The following RFX3 variants were observed in gnomAD, a reference collection of about 807,000 sequenced individuals.
RFX3 encodes transcription factor RFX3.
A neutral mutation model predicts 98.6 loss-of-function variants in RFX3; 14 were observed. That is an observed-to-expected ratio of 0.14 (90% CI 0.09 to 0.22). The LOEUF (loss-of-function observed/expected upper bound fraction) is 0.22. RFX3 is among the 10% of genes least tolerant of loss of function. The pLI is 1.00. For missense variants in RFX3, 639 were observed against 926.9 expected (o/e 0.69, Z 4.03); for synonymous variants, 383 against 328.4 (o/e 1.17, Z -1.80).
intron 1 of RFX3, among the ~76,000 whole-genome samples, chr9:3,500,924 C>T (rs1202511596): frequency 6.6e-6 from 1 of 152,116 alleles, no homozygotes; most frequent in Non-Finnish European, 1.5e-5. Context: ...TACATGAATA[C>T]TTAGGACCCT....
rs2131161331 is a variant in RFX3 at position 3,346,708 on chromosome 9, C to T, written c.174G>A (p.Gln58=). 5 of 1,613,814 alleles carry T rather than the reference C, an allele frequency of 3.1e-6. No homozygotes were observed. Among genetic ancestry groups the T allele is most frequent in the Non-Finnish European group, 4.2e-6 (5 of 1,179,728 alleles). Residue 58 remains glutamine, a synonymous_variant, in exon 3 of 17, where the codon CAG becomes CAA. Transcript: ENST00000617270. Reference sequence around the variant, plus strand: ...AGACAGTATCGCTTCCTTCCACATACTGCACCTGAGCGGGATAGACATGTT... The same window carrying T: ...AGACAGTATCGCTTCCTTCCACATATTGCACCTGAGCGGGATAGACATGTT... The part of the protein sequence containing the change: ...QVQHVYPAQV[Q]YVEGSDTVYT...
At chr9:3,255,660 T>C (rs1181778157) in intron 14 of RFX3, among the ~76,000 whole-genome samples, 1 of 152,200 alleles carries the variant, frequency 6.6e-6, no homozygotes, top group Non-Finnish European at 1.5e-5. Context: ...GCCAATTCCA[T>C]CCTACATATA....
chr9:3,223,346 T>G lies in RFX3; in HGVS notation c.*1696A>C, dbSNP rs1817455799. 6.6e-6 allele frequency: 1 copy of G among 152,222 alleles called. No individual in the cohort carries two copies. 9.4% of individuals were successfully genotyped at this position (152,222 alleles called of 1,614,324 possible). ...TCTAGGATCTCACCTTCTGACTTTA[T>G]AGCAGACTCCTGCCCCATGGGCACT... On this transcript the variant is annotated 3_prime_UTR_variant, in exon 17 of 17. Transcript: ENST00000617270.
At chr9:3,464,728 T>G (rs1003695687) in intron 1 of RFX3, among the ~76,000 whole-genome samples, 1 of 152,158 alleles carries the variant, frequency 6.6e-6, no homozygotes, top group African/African-American at 2.4e-5. Context: ...ACTCATCAAA[T>G]TGTACACTTA....
chr9:3,469,986 T>A (rs1018853527), intron 1 of RFX3, among the ~76,000 whole-genome samples: 3 of 152,094 alleles, frequency 2.0e-5, no homozygotes, highest in African/African-American at 7.2e-5. Flanking sequence ...AGGATCACTA[T>A]TGTAATCCCA....
chr9:3,493,682 C>CAAAA (rs71324250), intron 1 of RFX3, among the ~76,000 whole-genome samples: 2 of 79,582 alleles, frequency 2.5e-5, no homozygotes, highest in African/African-American at 4.7e-5. Context: ...AGACTCATCT[C>CAAAA]AAAAAAAAAA....
intron 1 of RFX3, among the ~76,000 whole-genome samples, chr9:3,466,728 T>C (rs149217753): frequency 6.6e-6 from 1 of 152,148 alleles, no homozygotes; most frequent in African/African-American, 2.4e-5. Flanking sequence ...AATGTAAATG[T>C]CAAGAAATGA....
chr9:3,389,594 A>G (rs989315977), intron 2 of RFX3, among the ~76,000 whole-genome samples: 8 of 152,162 alleles, frequency 5.3e-5, no homozygotes, highest in Non-Finnish European at 1.0e-4. Flanking sequence ...CCAAATGCTG[A>G]AATGCTCCAA....
intron 13 of RFX3, among the ~76,000 whole-genome samples, chr9:3,260,914 CTATATA>C (rs368034885): frequency 6.7e-6 from 1 of 148,294 alleles, no homozygotes; most frequent in Non-Finnish European, 1.5e-5. Context: ...ATCTCTCTCT[CTATATA>C]TATATATATC....
intron 1 of RFX3, among the ~76,000 whole-genome samples, chr9:3,502,272 A>C (rs1302981198): frequency 6.6e-6 from 1 of 151,970 alleles, no homozygotes; most frequent in Non-Finnish European, 1.5e-5. Context: ...GAAAAAAAAA[A>C]AAATCACTTT....
chr9:3,433,527 T>C (rs1170887897), intron 1 of RFX3, among the ~76,000 whole-genome samples: 1 of 152,210 alleles, frequency 6.6e-6, no homozygotes, highest in African/African-American at 2.4e-5. Context: ...AGCCTATTAA[T>C]AGTTAAGTTC....
At chr9:3,477,144 G>C (rs1587808064) in intron 1 of RFX3, among the ~76,000 whole-genome samples, 1 of 151,966 alleles carries the variant, frequency 6.6e-6, no homozygotes. Context: ...TCTCCAGACA[G>C]CAAAGTATAA....
At chr9:3,298,745 T>C (rs1563884050) in intron 5 of RFX3, among the ~76,000 whole-genome samples, 1 of 151,826 alleles carries the variant, frequency 6.6e-6, no homozygotes, top group Non-Finnish European at 1.5e-5. Flanking sequence ...AGCAAAGCAA[T>C]CAAGTTGGAT....
intron 5 of RFX3, among the ~76,000 whole-genome samples, chr9:3,299,073 C>T (rs139266693): frequency 6.6e-6 from 1 of 151,580 alleles, no homozygotes; most frequent in African/African-American, 2.4e-5. Flanking sequence ...TCCCACAAAC[C>T]TCAAATAATT....
chr9:3,330,313 T>A lies in RFX3; in HGVS notation c.420A>T (p.Ser140=), dbSNP rs769760777. The A allele has an allele frequency of 1.9e-6, 3 of 1,613,856 alleles. No individual in the cohort carries two copies. The highest frequency in any genetic ancestry group is 2.5e-6 in the Non-Finnish European group (3 of 1,179,904). The stretch of plus-strand genomic sequence containing the variant: ...TCACTGAGTGACCAGAATTCTCCAT[T>A]GAGTTGCCGATCAGATAGGTTCCTC... ...SSGGTYLIGN[S]MENSGHSVTH... The change falls in exon 4 of 17, where the codon TCA becomes TCT. Residue 140 remains serine, a synonymous_variant. Coordinates refer to ENST00000617270, the MANE Select transcript of RFX3 (RefSeq NM_001282116.2).
At chr9:3,449,886 G>GAAAA (rs78122917) in intron 1 of RFX3, among the ~76,000 whole-genome samples, 1 of 100,206 alleles carries the variant, frequency 1.0e-5, no homozygotes, top group Non-Finnish European at 2.2e-5. Flanking sequence ...AAAAAGAAAA[G>GAAAA]AAAAAAAAAA....
intron 1 of RFX3, among the ~76,000 whole-genome samples, chr9:3,504,916 TATAAC>T (rs1442824249): frequency 3.5e-4 from 26 of 74,846 alleles, no homozygotes; most frequent in African/African-American, 1.4e-3. Flanking sequence ...ATATATATAA[TATAAC>T]ATATATTATA....
In RFX3 at chr9:3,504,847, TATTA is replaced by T. The variant is rs1390732039; in HGVS notation, c.-9+20896_-9+20899del. On this transcript the variant is annotated intron_variant, in intron 1 of 16. Transcript: ENST00000617270. ...ATATAAAATATGTATAAAATATATATATTATATATGATATAATATATATTATATA... is the reference window on the plus strand; with the variant it reads ...ATATAAAATATGTATAAAATATATATTATATGATATAATATATATTATATA... 1.0e-4 allele frequency among the ~76,000 whole-genome samples: 9 copies of T among 88,734 alleles called. No individual in the cohort carries two copies. The South Asian group carries it at 2.7e-3, about 27-fold the overall frequency. The allele number at this position is 88,734 out of a possible 152,430, so 58.2% of individuals were successfully genotyped here. A position where few individuals can be genotyped will look rare whatever the true frequency, so the allele number is the denominator to read the frequency against.
At chr9:3,332,908 C>G (rs904670850) in intron 3 of RFX3, among the ~76,000 whole-genome samples, 29 of 146,128 alleles carry the variant, frequency 2.0e-4, no homozygotes, top group African/African-American at 7.4e-4. Flanking sequence ...TCAACGGAAG[C>G]ACCTTATCTC....
Sources: allele counts gnomAD v4.1 joint callset (sites outside exome capture counted in the v4.1 genomes callset), GRCh38; gene constraint gnomAD v4.1.1; transcripts MANE v1.5; gene names NCBI Gene and HGNC (gene_info 2026-07-23, HGNC 2026-07-21).